SLC20A2: variants seen among roughly 807,000 people sequenced by gnomAD.
SLC20A2 encodes the protein solute carrier family 20 member 2, also known as sodium-dependent phosphate transporter 2.
In SLC20A2, 30 loss-of-function variants were observed where a neutral mutation model predicts 61.0. The ratio of observed to expected loss-of-function variants is 0.49; its 90% CI spans 0.37 to 0.67. The LOEUF (loss-of-function observed/expected upper bound fraction) is 0.67. Ranked by LOEUF, SLC20A2 falls within the 30% of genes least tolerant of loss-of-function variation. SLC20A2 has a pLI of 0.00. For synonymous variants in SLC20A2, 351 were observed against 353.3 expected (o/e 0.99, Z 0.07); for missense variants, 626 against 866.4 (o/e 0.72, Z 3.48).
chr8:42,459,939 G>T lies in SLC20A2; in HGVS notation c.570C>A (p.Thr190=), dbSNP rs778830408. ...LRALPVFYAA[T]IAINVFSIMY... is the part of the protein sequence containing the mutation. ...TGATGGAAAAGACATTGATTGCTAT[G>T]GTAGCAGCATAGAATACTGGGAGTG... The change falls in exon 5 of 11, where the codon ACC becomes ACA. Residue 190 remains threonine (T), a synonymous_variant. Transcript: ENST00000520262. The T allele has an allele frequency of 2.5e-6, 4 of 1,613,556 alleles. No individual in the cohort carries two copies. The highest frequency in any genetic ancestry group is 3.4e-6 in the Non-Finnish European group (4 of 1,179,732).
rs766931477 is a variant in SLC20A2 at position 42,437,222 on chromosome 8, G to A, written c.1290C>T (p.Tyr430=). The A allele has an allele frequency of 6.8e-6, 11 of 1,613,590 alleles. No individual in the cohort carries two copies. In the South Asian group the frequency reaches 9.9e-5, roughly 14 times the overall value. Residue 430 remains tyrosine (Y), a synonymous_variant, in exon 8 of 11, where the codon TAC becomes TAT. Coordinates refer to ENST00000520262, the MANE Select transcript of SLC20A2 (RefSeq NM_001257180.2). This position sits in a 1 kb window ranked among gnomAD's most constrained non-coding sequence, Gnocchi z 6.4. Reference sequence around the variant, plus strand: ...CGTTACAGTAGCTCGAGTAGCTGTCGTAGCGCAGCCTCTTCTTGGAGTAGG... The same window carrying A: ...CGTTACAGTAGCTCGAGTAGCTGTCATAGCGCAGCCTCTTCTTGGAGTAGG... ...TVSYSKKRLR[Y]DSYSSYCNAV...
intron 1 of SLC20A2, among the ~76,000 whole-genome samples, chr8:42,535,712 TA>T (rs1257591960): frequency 6.6e-6 from 1 of 152,182 alleles, no homozygotes; most frequent in African/African-American, 2.4e-5. Flanking sequence ...TTCTTAAATA[TA>T]AAATACAGGG....
At chr8:42,476,530 G>A (rs1236613522) in intron 1 of SLC20A2, among the ~76,000 whole-genome samples, 1 of 152,160 alleles carries the variant, frequency 6.6e-6, no homozygotes, top group African/African-American at 2.4e-5. Context: ...CCCTGGGTGG[G>A]AAGAGCGGCT....
chr8:42,469,698 G>A (rs1459986860), intron 2 of SLC20A2, among the ~76,000 whole-genome samples: 2 of 152,210 alleles, frequency 1.3e-5, no homozygotes, highest in African/African-American at 4.8e-5. Context: ...GGGAGGCCAA[G>A]GTGGGAGGAT....
At chr8:42,433,310 A>G (rs1480879299) in intron 8 of SLC20A2, among the ~76,000 whole-genome samples, 3 of 152,024 alleles carry the variant, frequency 2.0e-5, no homozygotes, top group Admixed American at 6.6e-5. Context: ...AGCTCATAGA[A>G]GTGGAATCAT....
intron 1 of SLC20A2, among the ~76,000 whole-genome samples, chr8:42,499,515 A>G (rs1810187445): frequency 2.0e-5 from 3 of 152,208 alleles, no homozygotes; most frequent in Non-Finnish European, 2.9e-5. Context: ...AGTAGTAGAA[A>G]AACCTACAGA....
chr8:42,459,442 A>G (rs1390323630), intron 5 of SLC20A2, among the ~76,000 whole-genome samples: 1 of 151,998 alleles, frequency 6.6e-6, no homozygotes, highest in East Asian at 1.9e-4. Flanking sequence ...TCCGCTGGGC[A>G]TTGCTGATGT....
intron 5 of SLC20A2, among the ~76,000 whole-genome samples, chr8:42,450,069 C>A (rs1283339541): frequency 6.6e-6 from 1 of 151,962 alleles, no homozygotes; most frequent in African/African-American, 2.4e-5. Flanking sequence ...TGCTCTAGAT[C>A]AATATATTCA....
intron 1 of SLC20A2, among the ~76,000 whole-genome samples, chr8:42,499,442 A>G (rs1810180602): frequency 6.6e-6 from 1 of 152,214 alleles, no homozygotes; most frequent in Non-Finnish European, 1.5e-5. Flanking sequence ...TAAATCATTA[A>G]AACGAACACT....
intron 1 of SLC20A2, among the ~76,000 whole-genome samples, chr8:42,488,699 A>G (rs1028580548): frequency 6.6e-6 from 1 of 152,048 alleles, no homozygotes; most frequent in African/African-American, 2.4e-5. Flanking sequence ...ACCCTCATCA[A>G]CACCTGTTAT....
chr8:42,514,544 G>A (rs1348070337), intron 1 of SLC20A2, among the ~76,000 whole-genome samples: 2 of 152,140 alleles, frequency 1.3e-5, no homozygotes, highest in Admixed American at 6.6e-5. Flanking sequence ...GATCATTTGA[G>A]GTCAGGAGTT....
chr8:42,423,489 T>C (rs77284700), intron 10 of SLC20A2, among the ~76,000 whole-genome samples: 4,516 of 152,134 alleles, frequency 0.03, 236 homozygotes, highest in African/African-American at 0.1. Flanking sequence ...CCATGTCAGG[T>C]CTGTTTTTAA....
chr8:42,500,203 TAAAGA>T (rs766441508), intron 1 of SLC20A2, among the ~76,000 whole-genome samples: 1 of 152,366 alleles, frequency 6.6e-6, no homozygotes, highest in South Asian at 2.1e-4. Context: ...TGCTAATTGA[TAAAGA>T]AATTCCTGCC....
At chr8:42,436,115 T>TA (rs113346951) in intron 8 of SLC20A2, among the ~76,000 whole-genome samples, 7,601 of 147,658 alleles carry the variant, frequency 0.051, 537 homozygotes, top group African/African-American at 0.16. Context: ...GACTCCGTCT[T>TA]AAAAAAAAAA....
chr8:42,536,336 G>A (rs1002088125), intron 1 of SLC20A2: 4 of 152,154 alleles, frequency 2.6e-5, no homozygotes, highest in African/African-American at 9.7e-5. Flanking sequence ...AACAATCTGT[G>A]TAATACAGAA....
intron 1 of SLC20A2, among the ~76,000 whole-genome samples, chr8:42,509,197 A>C (rs1368616018): frequency 1.3e-5 from 2 of 152,240 alleles, no homozygotes; most frequent in Non-Finnish European, 2.9e-5. Context: ...AGATACAGAG[A>C]TACAGCTTTA....
intron 6 of SLC20A2, among the ~76,000 whole-genome samples, chr8:42,443,246 ATAC>A (rs2131043573): frequency 7.3e-6 from 1 of 137,348 alleles, no homozygotes; most frequent in African/African-American, 2.7e-5. Context: ...TACTATAATA[ATAC>A]AATTATTATT....
At chr8:42,518,453 TCCGGC>T (rs1183477525) in intron 1 of SLC20A2, among the ~76,000 whole-genome samples, 4 of 152,108 alleles carry the variant, frequency 2.6e-5, no homozygotes, top group Non-Finnish European at 4.4e-5. Flanking sequence ...AGGAGGAAAA[TCCGGC>T]TTCAGAATCA....
intron 7 of SLC20A2, among the ~76,000 whole-genome samples, chr8:42,438,089 A>AC (rs1804487389): frequency 1.4e-5 from 2 of 144,266 alleles, no homozygotes; most frequent in African/African-American, 2.7e-5. Flanking sequence ...AAAAAAAAAA[A>AC]CATGGAAACA....
Sources: allele counts gnomAD v4.1 joint callset (sites outside exome capture counted in the v4.1 genomes callset), GRCh38; gene constraint gnomAD v4.1.1; non-coding constraint Gnocchi (gnomAD v3.1); transcripts MANE v1.5; gene names NCBI Gene and HGNC (gene_info 2026-07-23, HGNC 2026-07-21).